The following KCTD16 variants were observed in gnomAD, a reference collection of about 807,000 sequenced individuals.
The protein encoded by KCTD16 is potassium channel tetramerization domain containing 16.
In KCTD16, 13 loss-of-function variants were observed where a neutral mutation model predicts 33.2. The observed-to-expected ratio is 0.39, with a 90% CI of 0.25 to 0.62. KCTD16 has a LOEUF of 0.62. Ranked by LOEUF, KCTD16 falls within the 20% of genes least tolerant of loss-of-function variation. The pLI is 0.50. For missense variants in KCTD16, 441 were observed against 525.1 expected, an observed-to-expected ratio of 0.84 and a Z score of 1.57; for synonymous variants, 197 against 195.3, an observed-to-expected ratio of 1.01 and a Z score of -0.07.
At chr5:144,414,821 A>G (rs551474261) in intron 3 of KCTD16, among the ~76,000 whole-genome samples, 1 of 152,254 alleles carries the variant, frequency 6.6e-6, no homozygotes, top group African/African-American at 2.4e-5. Flanking sequence ...TTGACTTGAG[A>G]CTACCAATGA....
At chr5:144,352,349 A>C (rs974935300) in intron 3 of KCTD16, among the ~76,000 whole-genome samples, 3 of 152,206 alleles carry the variant, frequency 2.0e-5, no homozygotes, top group African/African-American at 7.2e-5. Flanking sequence ...TGTGAGGTTC[A>C]TTCATATTGA....
chr5:144,427,237 TG>T (rs1753352431), intron 3 of KCTD16, among the ~76,000 whole-genome samples: 1 of 150,460 alleles, frequency 6.6e-6, no homozygotes, highest in Admixed American at 6.6e-5. Flanking sequence ...ATGAGGTTGC[TG>T]GTTTGAATTA....
chr5:144,377,660 G>A (rs1752122672), intron 3 of KCTD16: 1 of 152,086 alleles, frequency 6.6e-6, no homozygotes, highest in African/African-American at 2.4e-5. Context: ...CTTCTGAGAA[G>A]ATTATTTAAA....
intron 3 of KCTD16, among the ~76,000 whole-genome samples, chr5:144,435,572 G>A (rs1011494344): frequency 6.6e-6 from 1 of 152,122 alleles, no homozygotes; most frequent in Admixed American, 6.5e-5. Flanking sequence ...ACAAAATTCT[G>A]CAATAAATAT....
intron 3 of KCTD16, among the ~76,000 whole-genome samples, chr5:144,445,864 T>C (rs751640859): frequency 7.2e-5 from 11 of 151,960 alleles, no homozygotes; most frequent in Non-Finnish European, 1.5e-4. Flanking sequence ...TGAGGACTTA[T>C]GGGGGCTAAA....
intron 3 of KCTD16, among the ~76,000 whole-genome samples, chr5:144,386,902 G>C (rs1752335702): frequency 6.6e-6 from 1 of 152,132 alleles, no homozygotes; most frequent in African/African-American, 2.4e-5. Context: ...TATTATTGTT[G>C]TTGTAAAAGA....
chr5:144,180,673 G>C (rs949167172), intron 2 of KCTD16, among the ~76,000 whole-genome samples: 5 of 152,176 alleles, frequency 3.3e-5, no homozygotes, highest in Admixed American at 1.3e-4. Flanking sequence ...TGCTGATGCT[G>C]GCTGCAGGTT....
chr5:144,364,379 G>A (rs1392691865), intron 3 of KCTD16, among the ~76,000 whole-genome samples: 4 of 152,170 alleles, frequency 2.6e-5, no homozygotes, highest in African/African-American at 9.7e-5. Flanking sequence ...AGTGTACTTG[G>A]ATGAATTGAA....
intron 3 of KCTD16, among the ~76,000 whole-genome samples, chr5:144,237,311 G>A (rs1754281987): frequency 6.6e-6 from 1 of 152,024 alleles, no homozygotes; most frequent in African/African-American, 2.4e-5. Context: ...GAGCCATGAG[G>A]CTGCTGTCCT....
At chr5:144,419,263 G>T (rs550486707) in intron 3 of KCTD16, among the ~76,000 whole-genome samples, 1 of 152,098 alleles carries the variant, frequency 6.6e-6, no homozygotes, top group African/African-American at 2.4e-5. Flanking sequence ...AGTCCTGAAA[G>T]GTTTACAGTG....
chr5:144,218,268 G>A (rs886776422), intron 3 of KCTD16, among the ~76,000 whole-genome samples: 2 of 152,114 alleles, frequency 1.3e-5, no homozygotes, highest in African/African-American at 2.4e-5. Flanking sequence ...AAACTGATAT[G>A]AAGATAGTGA....
intron 3 of KCTD16, among the ~76,000 whole-genome samples, chr5:144,213,931 G>A (rs932926265): frequency 1.3e-5 from 2 of 152,150 alleles, no homozygotes; most frequent in Admixed American, 1.3e-4. Context: ...AGCCTGCTGA[G>A]CTTACCAAGA....
chr5:144,180,526 A>G (rs1752601416), intron 2 of KCTD16, among the ~76,000 whole-genome samples: 1 of 152,246 alleles, frequency 6.6e-6, no homozygotes, highest in Non-Finnish European at 1.5e-5. Flanking sequence ...AACCATAACA[A>G]TAACATTTTA....
intron 3 of KCTD16, among the ~76,000 whole-genome samples, chr5:144,256,625 T>TG (rs1754856405): frequency 1.3e-5 from 2 of 151,842 alleles, no homozygotes; most frequent in African/African-American, 4.8e-5. Flanking sequence ...TTGTTTTTTT[T>TG]TTTTTAATGT....
chr5:144,202,788 A>G (rs930036526), intron 2 of KCTD16, among the ~76,000 whole-genome samples: 5 of 152,212 alleles, frequency 3.3e-5, no homozygotes, highest in African/African-American at 1.2e-4. Context: ...TACCAATTCA[A>G]AATGTTTCAG....
chr5:144,188,914 A>G (rs1443533240), intron 2 of KCTD16, among the ~76,000 whole-genome samples: 1 of 152,242 alleles, frequency 6.6e-6, no homozygotes, highest in Admixed American at 6.5e-5. Flanking sequence ...AAAGAGAGAT[A>G]AAAGATCAAC....
At position 144,368,174 on chromosome 5, in the gene KCTD16, A is replaced by T. The variant is rs139206542; in HGVS notation, c.833-105486A>T. ...GATAAGCATAATTTTGGTCCCTTTG[A>T]CCTTTGTACCTGGTGTTACACTCAT... On this transcript the variant is annotated intron_variant, in intron 3 of 3. Coordinates refer to ENST00000512467, the MANE Select transcript of KCTD16 (RefSeq NM_020768.4). 2.0e-5 allele frequency among the ~76,000 whole-genome samples: 3 copies of T among 152,176 alleles called. No homozygotes were observed. The East Asian group carries it at 5.8e-4, about 29-fold the overall frequency.
chr5:144,412,789 G>GGCAC (rs1580942555), intron 3 of KCTD16, among the ~76,000 whole-genome samples: 1 of 152,162 alleles, frequency 6.6e-6, no homozygotes, highest in Admixed American at 6.5e-5. Context: ...GGGTAGCTGA[G>GGCAC]GCACGAGAGT....
chr5:144,271,184 TTAATACC>T (rs1158571213), intron 3 of KCTD16, among the ~76,000 whole-genome samples: 3 of 152,026 alleles, frequency 2.0e-5, no homozygotes, highest in Non-Finnish European at 2.9e-5. Flanking sequence ...CAGTATTACC[TTAATACC>T]AAAGTTAGAC....
Sources: gnomAD v4.1 joint callset for allele counts (sites outside exome capture counted in the v4.1 genomes callset) on GRCh38, gnomAD v4.1.1 for gene constraint, MANE v1.5 for transcripts, NCBI Gene and HGNC (gene_info 2026-07-23, HGNC 2026-07-21) for gene names.